Variants in MAN1A1 observed in about 807,000 individuals in gnomAD.
The protein encoded by MAN1A1 is mannosyl-oligosaccharide 1,2-alpha-mannosidase IA.
In MAN1A1, 29 loss-of-function variants were observed where a neutral mutation model predicts 70.8. That is an observed-to-expected ratio of 0.41 (90% CI 0.31 to 0.56). MAN1A1 has a LOEUF of 0.56. MAN1A1 is among the 20% of genes least tolerant of loss of function. The probability of loss-of-function intolerance (pLI) is 0.29; values close to 1 mark genes in which losing one functional copy is unlikely to be tolerated. For missense variants in MAN1A1, 747 were observed against 841.3 expected (o/e 0.89, Z 1.39); for synonymous variants, 349 against 330.1 (o/e 1.06, Z -0.62).
At chr6:119,239,840 A>G (rs1774955480) in intron 6 of MAN1A1, among the ~76,000 whole-genome samples, 1 of 152,196 alleles carries the variant, frequency 6.6e-6, no homozygotes, top group Admixed American at 6.5e-5. Context: ...GAATTTACGC[A>G]TTCTGACTTG....
intron 5 of MAN1A1, among the ~76,000 whole-genome samples, chr6:119,276,946 A>G (rs1776082342): frequency 6.6e-6 from 1 of 152,218 alleles, no homozygotes; most frequent in African/African-American, 2.4e-5. Context: ...TAGAATAAAG[A>G]GCCACGAAAA....
intron 6 of MAN1A1, among the ~76,000 whole-genome samples, chr6:119,246,531 C>CA (rs1264330014): frequency 3.3e-5 from 5 of 152,126 alleles, no homozygotes; most frequent in African/African-American, 1.2e-4. Flanking sequence ...ATGACTGCTG[C>CA]AAGACAAACC....
intron 11 of MAN1A1, among the ~76,000 whole-genome samples, chr6:119,185,646 G>A (rs969197451): frequency 1.3e-5 from 2 of 151,774 alleles, no homozygotes; most frequent in South Asian, 2.1e-4. Flanking sequence ...GCGTGATCTC[G>A]GCTCATTGCA....
chr6:119,347,591 C>A (rs1283117673), intron 2 of MAN1A1, among the ~76,000 whole-genome samples: 2 of 152,182 alleles, frequency 1.3e-5, no homozygotes, highest in Non-Finnish European at 2.9e-5. Flanking sequence ...AAGTTCGGAC[C>A]TCGGGCTTCA....
intron 11 of MAN1A1, among the ~76,000 whole-genome samples, chr6:119,181,744 C>T (rs1773159153): frequency 6.6e-6 from 1 of 152,080 alleles, no homozygotes; most frequent in African/African-American, 2.4e-5. Context: ...TCCAGCTTTA[C>T]CGATGTATGA....
chr6:119,326,651 A>G (rs1254617081), intron 2 of MAN1A1, among the ~76,000 whole-genome samples: 1 of 152,226 alleles, frequency 6.6e-6, no homozygotes, highest in East Asian at 1.9e-4. Context: ...GGGAGGCCAC[A>G]GGAAACTTAC....
At chr6:119,331,614 AACATACATGAAC>A (rs1327421368) in intron 2 of MAN1A1, among the ~76,000 whole-genome samples, 1 of 138,476 alleles carries the variant, frequency 7.2e-6, no homozygotes, top group African/African-American at 2.6e-5. Context: ...AGGGGATATA[AACATACATGAAC>A]ACATACTAGT....
intron 5 of MAN1A1, among the ~76,000 whole-genome samples, chr6:119,276,044 G>A (rs1021053617): frequency 2.6e-5 from 4 of 152,116 alleles, no homozygotes; most frequent in African/African-American, 9.7e-5. Context: ...CACCATTGCT[G>A]CCCTCCTTCT....
chr6:119,181,451 G>GTTTT (rs35283286), intron 11 of MAN1A1, among the ~76,000 whole-genome samples: 6 of 147,020 alleles, frequency 4.1e-5, no homozygotes, highest in South Asian at 2.2e-4. Context: ...TAAAATACAT[G>GTTTT]TTTTTTTTTT....
chr6:119,349,332 A>C, intron 1 of MAN1A1, 45 bp from the exon 2 acceptor site: 1 of 1,149,446 alleles, frequency 8.7e-7, no homozygotes, highest in Non-Finnish European at 1.1e-6. Flanking sequence ...CGGCGATGAT[A>C]AAGTTTCCAG....
chr6:119,202,411 T>A (rs1352528830), intron 7 of MAN1A1, among the ~76,000 whole-genome samples: 1 of 152,160 alleles, frequency 6.6e-6, no homozygotes, highest in Non-Finnish European at 1.5e-5. Context: ...TGTCAACTCC[T>A]GTGATGATAA....
At chr6:119,223,153 T>A (rs1041451835) in intron 6 of MAN1A1, among the ~76,000 whole-genome samples, 40 of 152,240 alleles carry the variant, frequency 2.6e-4, no homozygotes, top group African/African-American at 9.6e-4. Context: ...TTCCCTATAG[T>A]GGAATTTAAA....
At chr6:119,237,171 A>G (rs1774868113) in intron 6 of MAN1A1, among the ~76,000 whole-genome samples, 1 of 152,234 alleles carries the variant, frequency 6.6e-6, no homozygotes, top group African/African-American at 2.4e-5. Flanking sequence ...CACTGTGCAC[A>G]CTGTTGAAAT....
chr6:119,342,241 G>A (rs1773615232), intron 2 of MAN1A1, among the ~76,000 whole-genome samples: 1 of 152,168 alleles, frequency 6.6e-6, no homozygotes, highest in Admixed American at 6.5e-5. Flanking sequence ...AACTGGAAAT[G>A]TATCCCTTTA....
At chr6:119,298,874 G>A (rs1772307277) in intron 4 of MAN1A1, among the ~76,000 whole-genome samples, 1 of 152,038 alleles carries the variant, frequency 6.6e-6, no homozygotes. Context: ...GGGATTACAG[G>A]AGTGAGCCAC....
intron 2 of MAN1A1, among the ~76,000 whole-genome samples, chr6:119,330,894 G>T (rs1562245348): frequency 6.6e-6 from 1 of 152,066 alleles, no homozygotes; most frequent in Non-Finnish European, 1.5e-5. Flanking sequence ...GGTTCCCATA[G>T]TAACTCTAGG....
At chr6:119,276,395 A>G (rs959856528) in intron 5 of MAN1A1, among the ~76,000 whole-genome samples, 1 of 152,242 alleles carries the variant, frequency 6.6e-6, no homozygotes, top group Non-Finnish European at 1.5e-5. Context: ...AGACTAGAAC[A>G]TGGCATGGAA....
intron 4 of MAN1A1, among the ~76,000 whole-genome samples, chr6:119,293,762 G>A (rs1383956104): frequency 6.6e-6 from 1 of 152,050 alleles, no homozygotes; most frequent in African/African-American, 2.4e-5. Flanking sequence ...ATTCGTAGAT[G>A]AAAAGGACTA....
chr6:119,212,803 C>T (rs1774091203), intron 6 of MAN1A1, among the ~76,000 whole-genome samples: 1 of 152,154 alleles, frequency 6.6e-6, no homozygotes, highest in Admixed American at 6.5e-5. Flanking sequence ...TTCAGCAGAT[C>T]CTTACTGTAG....
Sources: gnomAD v4.1 joint callset for allele counts (sites outside exome capture counted in the v4.1 genomes callset) on GRCh38, gnomAD v4.1.1 for gene constraint, MANE v1.5 for transcripts, NCBI Gene and HGNC (gene_info 2026-07-23, HGNC 2026-07-21) for gene names.